Variants in ANAPC10 observed in about 807,000 individuals in gnomAD.
The protein encoded by ANAPC10 is anaphase promoting complex subunit 10.
ANAPC10 carries 12 observed loss-of-function variants against 22.0 expected under a neutral mutation model. The observed-to-expected ratio is 0.55, with a 90% CI of 0.35 to 0.88. ANAPC10 has a LOEUF of 0.88. ANAPC10 is among the 40% of genes least tolerant of loss of function. ANAPC10 has a pLI of 0.01. For missense variants in ANAPC10, 188 were observed against 220.9 expected (o/e 0.85, Z 0.94); for synonymous variants, 65 against 69.5 (o/e 0.94, Z 0.32).
chr4:145,087,177 T>C (rs891170701), intron 2 of ANAPC10, among the ~76,000 whole-genome samples: 2 of 152,150 alleles, frequency 1.3e-5, no homozygotes, highest in African/African-American at 4.8e-5. Flanking sequence ...ATTTGGCTGA[T>C]CATGCCACTG....
chr4:145,098,029 C>A (rs1487958109), intron 1 of ANAPC10, 91 bp downstream of exon 1: 1 of 155,694 alleles, frequency 6.4e-6, no homozygotes, highest in Non-Finnish European at 1.4e-5. Context: ...GAGGAAAGCG[C>A]AAACGTAAAA....
At chr4:145,037,946 C>CAAAA (rs36071811) in intron 4 of ANAPC10, among the ~76,000 whole-genome samples, 2 of 71,652 alleles carry the variant, frequency 2.8e-5, no homozygotes, top group Admixed American at 1.5e-4. Flanking sequence ...AACCCTGTCT[C>CAAAA]AAAAAAAAAA....
intron 4 of ANAPC10, among the ~76,000 whole-genome samples, chr4:145,031,174 T>C (rs1469188338): frequency 6.6e-6 from 1 of 152,242 alleles, no homozygotes; most frequent in Non-Finnish European, 1.5e-5. Flanking sequence ...TCTGGCTTTG[T>C]GTCATAATCT....
intron 4 of ANAPC10, among the ~76,000 whole-genome samples, chr4:145,031,367 C>A (rs1737556089): frequency 6.6e-6 from 1 of 152,184 alleles, no homozygotes; most frequent in African/African-American, 2.4e-5. Flanking sequence ...GGACCGTCGA[C>A]CTCAGTAAAA....
intron 4 of ANAPC10, among the ~76,000 whole-genome samples, chr4:145,003,748 T>C (rs909631196): frequency 3.3e-5 from 5 of 152,208 alleles, no homozygotes; most frequent in African/African-American, 1.2e-4. Flanking sequence ...TGTAGCCTTA[T>C]ACTACAGTTT....
At chr4:145,043,069 T>C (rs1456975608) in intron 4 of ANAPC10, among the ~76,000 whole-genome samples, 1 of 150,782 alleles carries the variant, frequency 6.6e-6, no homozygotes, top group Non-Finnish European at 1.5e-5. Flanking sequence ...CACACAAAGT[T>C]TTTTTTTTTC....
At chr4:145,073,219 C>T (rs185478578) in intron 3 of ANAPC10, among the ~76,000 whole-genome samples, 252 of 152,274 alleles carry the variant, frequency 1.7e-3, no homozygotes, top group African/African-American at 5.9e-3. Context: ...GACATCAGCA[C>T]TTTAATTTTT....
At chr4:145,068,972 G>A (rs1048139742) in intron 3 of ANAPC10, among the ~76,000 whole-genome samples, 7 of 152,240 alleles carry the variant, frequency 4.6e-5, no homozygotes, top group African/African-American at 1.4e-4. Context: ...GAAAGTTTTC[G>A]CGGAAGACTA....
intron 4 of ANAPC10, among the ~76,000 whole-genome samples, chr4:145,057,568 C>T (rs1742240470): frequency 6.6e-6 from 1 of 152,086 alleles, no homozygotes; most frequent in Non-Finnish European, 1.5e-5. Context: ...CTGATGATTC[C>T]AAAATCTGTA....
chr4:145,072,604 T>C (rs1744644849), intron 3 of ANAPC10, among the ~76,000 whole-genome samples: 3 of 152,122 alleles, frequency 2.0e-5, no homozygotes, highest in Admixed American at 1.3e-4. Flanking sequence ...ACTTATATAA[T>C]AGAGGTAGGA....
At chr4:145,014,058 T>C (rs944705070) in intron 4 of ANAPC10, among the ~76,000 whole-genome samples, 11 of 152,056 alleles carry the variant, frequency 7.2e-5, no homozygotes, top group African/African-American at 2.4e-4. Flanking sequence ...TTGTAACAAT[T>C]TGAACTAGTC....
chr4:145,040,998 T>C (rs1739426054), intron 4 of ANAPC10, among the ~76,000 whole-genome samples: 1 of 152,046 alleles, frequency 6.6e-6, no homozygotes, highest in African/African-American at 2.4e-5. Flanking sequence ...GAGGTAAAAA[T>C]CCAATATACA....
At chr4:145,022,797 CAAA>C (rs750015564) in intron 4 of ANAPC10, among the ~76,000 whole-genome samples, 7 of 85,144 alleles carry the variant, frequency 8.2e-5, no homozygotes, top group Non-Finnish European at 7.8e-5. Context: ...ACTGCCAAAC[CAAA>C]AAAAAAAAAA....
chr4:145,007,118 G>A (rs543314843), intron 4 of ANAPC10, among the ~76,000 whole-genome samples: 458 of 151,686 alleles, frequency 3.0e-3, no homozygotes, highest in Non-Finnish European at 5.2e-3. Context: ...CACCCAATAC[G>A]GGAGCACCCA....
intron 3 of ANAPC10, among the ~76,000 whole-genome samples, chr4:145,080,022 G>A (rs546787799): frequency 2.3e-4 from 34 of 145,898 alleles, no homozygotes; most frequent in Non-Finnish European, 3.9e-4. Context: ...CCTGAGGCAG[G>A]AGAATCACTT....
chr4:145,012,886 T>G (rs1734571080), intron 4 of ANAPC10, among the ~76,000 whole-genome samples: 2 of 152,150 alleles, frequency 1.3e-5, no homozygotes, highest in South Asian at 4.1e-4. Flanking sequence ...GGGGGCCTGG[T>G]GGGAAATGAC....
At chr4:145,090,796 TATTAC>T (rs1033883800) in intron 2 of ANAPC10, among the ~76,000 whole-genome samples, 2 of 152,242 alleles carry the variant, frequency 1.3e-5, no homozygotes, top group African/African-American at 2.4e-5. Flanking sequence ...AGTTATTAAT[TATTAC>T]ATTATGTAGT....
chr4:145,036,643 C>T (rs974167110), intron 4 of ANAPC10, among the ~76,000 whole-genome samples: 1 of 152,096 alleles, frequency 6.6e-6, no homozygotes, highest in African/African-American at 2.4e-5. Flanking sequence ...CCATCATACC[C>T]AGCTCTTTCA....
At chr4:145,033,111 CA>C (rs1737868867) in intron 4 of ANAPC10, 2 of 152,352 alleles carry the variant, frequency 1.3e-5, no homozygotes, top group South Asian at 4.1e-4. Flanking sequence ...GTCACAATCA[CA>C]ATGCCAACTA....
Sources: allele counts gnomAD v4.1 joint callset (sites outside exome capture counted in the v4.1 genomes callset), GRCh38; gene constraint gnomAD v4.1.1; transcripts MANE v1.5; gene names NCBI Gene and HGNC (gene_info 2026-07-23, HGNC 2026-07-21).